DPP10: variants seen among roughly 807,000 people sequenced by gnomAD.
DPP10 encodes dipeptidyl peptidase like 10, also known as inactive dipeptidyl peptidase 10.
DPP10 carries 33 observed loss-of-function variants against 120.9 expected under a neutral mutation model. The observed-to-expected ratio is 0.27, with a 90% CI of 0.21 to 0.37. The LOEUF (loss-of-function observed/expected upper bound fraction) is 0.37, where lower values mean the gene tolerates loss of function less well. DPP10 is among the 10% of genes least tolerant of loss of function. DPP10 has a pLI of 1.00. For missense variants in DPP10, 816 were observed against 942.8 expected, an observed-to-expected ratio of 0.87 and a Z score of 1.76; for synonymous variants, 337 against 326.1, an observed-to-expected ratio of 1.03 and a Z score of -0.36.
At chr2:115,111,721 G>A (rs923029634) in intron 1 of DPP10, among the ~76,000 whole-genome samples, 3 of 152,122 alleles carry the variant, frequency 2.0e-5, no homozygotes, top group Non-Finnish European at 4.4e-5. Flanking sequence ...GACAGAGCAG[G>A]GAAAAATTCA....
At chr2:115,069,806 G>A (rs1208070874) in intron 1 of DPP10, among the ~76,000 whole-genome samples, 1 of 151,160 alleles carries the variant, frequency 6.6e-6, no homozygotes. Context: ...TTAATTTGGT[G>A]AGTGAGCATA....
At chr2:115,719,742 A>G (rs889666066) in intron 7 of DPP10, among the ~76,000 whole-genome samples, 2 of 152,192 alleles carry the variant, frequency 1.3e-5, no homozygotes, top group African/African-American at 4.8e-5. Flanking sequence ...ATGCTGATAT[A>G]TATTCTATAT....
intron 1 of DPP10, among the ~76,000 whole-genome samples, chr2:114,491,315 A>C (rs1681980798): frequency 6.6e-6 from 1 of 152,218 alleles, no homozygotes; most frequent in African/African-American, 2.4e-5. Flanking sequence ...AATCTTTGGA[A>C]TATTATTAAT....
At chr2:115,534,338 C>A (rs1461909763) in intron 5 of DPP10, among the ~76,000 whole-genome samples, 1 of 151,704 alleles carries the variant, frequency 6.6e-6, no homozygotes. Context: ...TCAATTCCCA[C>A]CTATGAGTGA....
In DPP10 at chr2:115,052,527, C is replaced by T. The variant is rs1489495229; in HGVS notation, c.61-256712C>T. On this transcript the variant is annotated intron_variant, in intron 1 of 25. Coordinates refer to ENST00000410059, the MANE Select transcript of DPP10 (RefSeq NM_020868.6). ...AAAATCAGCAAGTGATCTGGATAAGCGTTTCTCCAAAGAGGATATACAAAT... is the reference window on the plus strand; with the variant it reads ...AAAATCAGCAAGTGATCTGGATAAGTGTTTCTCCAAAGAGGATATACAAAT... 4.6e-5 allele frequency among the ~76,000 whole-genome samples: 7 copies of T among 152,188 alleles called. No homozygotes were observed. In the East Asian group the frequency reaches 1.2e-3, roughly 25 times the overall value.
chr2:114,660,772 T>C (rs1203429833), intron 1 of DPP10, among the ~76,000 whole-genome samples: 1 of 152,352 alleles, frequency 6.6e-6, no homozygotes, highest in Non-Finnish European at 1.5e-5. Flanking sequence ...TACAGTTTAC[T>C]TGGCAGTAAG....
chr2:115,783,150 T>C (rs571541641), intron 17 of DPP10, among the ~76,000 whole-genome samples: 1 of 152,166 alleles, frequency 6.6e-6, no homozygotes, highest in East Asian at 1.9e-4. Context: ...GCTACTATAA[T>C]CTAATAATGG....
chr2:115,052,194 G>A (rs998245723), intron 1 of DPP10, among the ~76,000 whole-genome samples: 13 of 152,008 alleles, frequency 8.6e-5, no homozygotes, highest in Admixed American at 4.6e-4. Flanking sequence ...TGGATCAAAC[G>A]CCTAAATGTA....
At chr2:115,043,940 G>C (rs1004450861) in intron 1 of DPP10, among the ~76,000 whole-genome samples, 2 of 151,864 alleles carry the variant, frequency 1.3e-5, no homozygotes, top group Non-Finnish European at 2.9e-5. Flanking sequence ...TATATTTATG[G>C]GGTACATGAG....
intron 1 of DPP10, among the ~76,000 whole-genome samples, chr2:114,850,915 G>A (rs953042184): frequency 1.3e-5 from 2 of 151,372 alleles, no homozygotes; most frequent in African/African-American, 4.9e-5. Flanking sequence ...ATGTTTTTTA[G>A]TTTCTTTGGA....
chr2:114,738,726 GTAACTTCCCACT>G (rs1279186405), intron 1 of DPP10, among the ~76,000 whole-genome samples: 11 of 152,324 alleles, frequency 7.2e-5, no homozygotes, highest in African/African-American at 2.6e-4. Context: ...AAGGAGAATA[GTAACTTCCCACT>G]GACCTGTGGC....
intron 2 of DPP10, among the ~76,000 whole-genome samples, chr2:115,327,206 G>A (rs1475034239): frequency 1.3e-5 from 2 of 152,048 alleles, no homozygotes; most frequent in Non-Finnish European, 2.9e-5. Flanking sequence ...GCAGTAATAG[G>A]CTGTATCTTA....
chr2:115,169,969 A>G (rs1176546117), intron 1 of DPP10, among the ~76,000 whole-genome samples: 1 of 152,172 alleles, frequency 6.6e-6, no homozygotes, highest in Non-Finnish European at 1.5e-5. Flanking sequence ...CATCTGAGAA[A>G]GTCTGCTCTG....
intron 2 of DPP10, among the ~76,000 whole-genome samples, chr2:115,329,011 A>G (rs1294559264): frequency 2.0e-5 from 3 of 152,104 alleles, no homozygotes; most frequent in African/African-American, 7.2e-5. Flanking sequence ...TATGCTGGGC[A>G]CTGCAGGGAA....
intron 3 of DPP10, among the ~76,000 whole-genome samples, chr2:115,431,556 G>A (rs545483170): frequency 2.6e-5 from 4 of 152,152 alleles, no homozygotes; most frequent in African/African-American, 9.6e-5. Flanking sequence ...AGTGGGAATT[G>A]ACAAAAAAGC....
At chr2:115,631,236 A>T (rs535172439) in intron 5 of DPP10, among the ~76,000 whole-genome samples, 3 of 151,678 alleles carry the variant, frequency 2.0e-5, no homozygotes, top group African/African-American at 7.3e-5. Flanking sequence ...TTCTCTGATG[A>T]TTGTTTGTAT....
chr2:114,985,704 G>A (rs1276005466), intron 1 of DPP10, among the ~76,000 whole-genome samples: 1 of 152,146 alleles, frequency 6.6e-6, no homozygotes, highest in Non-Finnish European at 1.5e-5. Flanking sequence ...TTGGGGTTGA[G>A]TCCTCAAACT....
chr2:115,701,345 A>G lies in DPP10; in HGVS notation c.576+11424A>G, dbSNP rs184639884. Among the ~76,000 whole-genome samples the G allele has an allele frequency of 2.6e-5, 4 of 152,200 alleles. No individual in the cohort carries two copies. The East Asian group carries it at 7.7e-4, about 29-fold the overall frequency. On this transcript the variant is annotated intron_variant, in intron 7 of 25. Coordinates refer to ENST00000410059, the MANE Select transcript of DPP10 (RefSeq NM_020868.6). The stretch of plus-strand genomic sequence containing the variant: ...CAAATCATTGAATCAGGAAAGGACT[A>G]TCTTTTTTAAACAACTGATACTGGA...
chr2:115,539,756 GA>G (rs2079069807), intron 5 of DPP10, among the ~76,000 whole-genome samples: 1 of 150,592 alleles, frequency 6.6e-6, no homozygotes, highest in Non-Finnish European at 1.5e-5. Flanking sequence ...ATCAAATATG[GA>G]ATAACTTTTC....
Sources: allele counts gnomAD v4.1 joint callset (sites outside exome capture counted in the v4.1 genomes callset), GRCh38; gene constraint gnomAD v4.1.1; transcripts MANE v1.5; gene names NCBI Gene and HGNC (gene_info 2026-07-23, HGNC 2026-07-21).